Variants in GRB2 observed in about 807,000 individuals in gnomAD.
GRB2 encodes the protein growth factor receptor bound protein 2.
GRB2 carries 2 observed loss-of-function variants against 27.4 expected under a neutral mutation model. That is an observed-to-expected ratio of 0.07 (90% CI 0.03 to 0.23). The LOEUF is 0.23. Ranked by LOEUF, GRB2 falls within the 10% of genes least tolerant of loss-of-function variation. The pLI is 1.00. For synonymous variants in GRB2, 94 were observed against 99.6 expected (o/e 0.94, Z 0.33); for missense variants, 102 against 282.4 (o/e 0.36, Z 4.58).
chr17:75,341,461 A>G (rs1188508854), intron 2 of GRB2, among the ~76,000 whole-genome samples: 1 of 151,200 alleles, frequency 6.6e-6, no homozygotes, highest in African/African-American at 2.4e-5. Flanking sequence ...AAAAAAAAAA[A>G]AAAAAAAACA....
At chr17:75,322,469 A>G (rs936034538) in intron 4 of GRB2, among the ~76,000 whole-genome samples, 9 of 152,128 alleles carry the variant, frequency 5.9e-5, no homozygotes, top group Admixed American at 5.9e-4. Flanking sequence ...TCCTTTGAAT[A>G]AAAAAATAAT....
At chr17:75,375,043 G>A (rs1052224716) in intron 2 of GRB2, among the ~76,000 whole-genome samples, 2 of 151,904 alleles carry the variant, frequency 1.3e-5, no homozygotes, top group African/African-American at 4.8e-5. Context: ...CTGCAGATGT[G>A]TGCCACCACG....
rs114494825 is a variant in GRB2 at position 75,396,733 on chromosome 17, A to G, written c.-137-2968T>C. Among the ~76,000 whole-genome samples, 532 of 152,258 alleles carry G rather than the reference A, an allele frequency of 3.5e-3. 1 individual carries two copies. Among genetic ancestry groups the G allele is most frequent in the African/African-American group, 0.012 (494 of 41,532 alleles). ...TGAATGCTCCAAAATCTCTCCTACT[A>G]TCAAGATTTTCCTCAGCCTATTTAT... On this transcript the variant is annotated intron_variant, in intron 1 of 5. Transcript: ENST00000316804.
intron 2 of GRB2, among the ~76,000 whole-genome samples, chr17:75,364,149 T>C (rs2078804473): frequency 6.6e-6 from 1 of 152,140 alleles, no homozygotes; most frequent in Non-Finnish European, 1.5e-5. Context: ...ATCTCCCATA[T>C]TACCTTGCCC....
intron 2 of GRB2, among the ~76,000 whole-genome samples, chr17:75,370,389 T>A (rs556839779): frequency 6.6e-6 from 1 of 152,330 alleles, no homozygotes; most frequent in African/African-American, 2.4e-5. Context: ...AAGAGAGAAT[T>A]TGTACCACTT....
At chr17:75,389,706 C>A (rs1179289830) in intron 2 of GRB2, among the ~76,000 whole-genome samples, 1 of 152,010 alleles carries the variant, frequency 6.6e-6, no homozygotes, top group East Asian at 1.9e-4. Flanking sequence ...ATTAGCCGGG[C>A]GTGCTGGTGG....
intron 2 of GRB2, among the ~76,000 whole-genome samples, chr17:75,374,218 C>G (rs192592019): frequency 7.3e-5 from 11 of 151,034 alleles, no homozygotes; most frequent in Non-Finnish European, 1.5e-5. Flanking sequence ...CCAGCCTGGC[C>G]ATTATGGTTA....
chr17:75,352,802 T>C (rs1466059503), intron 2 of GRB2, among the ~76,000 whole-genome samples: 2 of 152,086 alleles, frequency 1.3e-5, no homozygotes, highest in East Asian at 1.9e-4. Flanking sequence ...AGCACCAAAA[T>C]TTCCAGTTTT....
intron 2 of GRB2, among the ~76,000 whole-genome samples, chr17:75,374,107 T>G (rs1379203767): frequency 1.3e-5 from 2 of 151,750 alleles, no homozygotes; most frequent in Non-Finnish European, 2.9e-5. Context: ...GTACTGATAT[T>G]CTTAAGAATT....
chr17:75,348,619 G>A (rs1375490744), intron 2 of GRB2, among the ~76,000 whole-genome samples: 6 of 152,162 alleles, frequency 3.9e-5, no homozygotes, highest in African/African-American at 1.4e-4. Flanking sequence ...AAAAAAGTGA[G>A]ATAAGGGAAA....
intron 2 of GRB2, among the ~76,000 whole-genome samples, chr17:75,385,137 AG>A (rs2078956104): frequency 6.6e-6 from 1 of 150,978 alleles, no homozygotes; most frequent in South Asian, 2.1e-4. Context: ...CCTATTCAGG[AG>A]GCTGAAGTAG....
chr17:75,345,370 G>C (rs1437673305), intron 2 of GRB2, among the ~76,000 whole-genome samples: 1 of 152,082 alleles, frequency 6.6e-6, no homozygotes, highest in African/African-American at 2.4e-5. Flanking sequence ...TTAATTCCAC[G>C]TAAGACTATG....
intron 3 of GRB2, among the ~76,000 whole-genome samples, chr17:75,330,285 G>A (rs1001984386): frequency 1.3e-5 from 2 of 152,024 alleles, no homozygotes; most frequent in African/African-American, 4.8e-5. Flanking sequence ...AGGAGGTGGA[G>A]GCAGGAGAAT....
In GRB2 at chr17:75,388,908, T is replaced by C. The variant is rs114211912; in HGVS notation, c.78+4643A>G. On this transcript the variant is annotated intron_variant, in intron 2 of 5. Coordinates refer to ENST00000316804, the MANE Select transcript of GRB2 (RefSeq NM_002086.5). Reference sequence around the variant, plus strand: ...GGGCATTCCTTTCTTAGGAGACTTATTAAAATGCCCCTATCTGACAGGCAG... The same window carrying C: ...GGGCATTCCTTTCTTAGGAGACTTACTAAAATGCCCCTATCTGACAGGCAG... 9.4e-3 allele frequency among the ~76,000 whole-genome samples: 1,434 copies of C among 152,284 alleles called. 26 individuals are homozygous for C. Among genetic ancestry groups the C allele is most frequent in the South Asian group, 0.048 (234 of 4,828 alleles).
At chr17:75,351,124 G>A (rs1425349364) in intron 2 of GRB2, among the ~76,000 whole-genome samples, 2 of 152,120 alleles carry the variant, frequency 1.3e-5, no homozygotes, top group Non-Finnish European at 2.9e-5. Flanking sequence ...GGAGCCAGGA[G>A]GGAGCAGACA....
intron 2 of GRB2, among the ~76,000 whole-genome samples, chr17:75,354,628 T>C (rs759944742): frequency 6.6e-6 from 1 of 152,150 alleles, no homozygotes; most frequent in Non-Finnish European, 1.5e-5. Flanking sequence ...TTGTCTTCCA[T>C]GAAACCAGTC....
intron 1 of GRB2, among the ~76,000 whole-genome samples, chr17:75,400,886 T>G (rs1012342745): frequency 6.6e-6 from 1 of 152,080 alleles, no homozygotes; most frequent in Non-Finnish European, 1.5e-5. Context: ...ATGTGCAACA[T>G]ACACATATAC....
intron 2 of GRB2, among the ~76,000 whole-genome samples, chr17:75,334,996 G>A (rs1375246972): frequency 1.3e-5 from 2 of 151,846 alleles, no homozygotes; most frequent in African/African-American, 2.4e-5. Context: ...GGGACTATAG[G>A]CACTTGCCAT....
At chr17:75,330,234 T>C (rs1040300409) in intron 3 of GRB2, among the ~76,000 whole-genome samples, 10 of 151,246 alleles carry the variant, frequency 6.6e-5, no homozygotes, top group Non-Finnish European at 1.3e-4. Context: ...ATACAAAAAT[T>C]AGCCAGGCAT....
Sources: gnomAD v4.1 joint callset for allele counts (sites outside exome capture counted in the v4.1 genomes callset) on GRCh38, gnomAD v4.1.1 for gene constraint, MANE v1.5 for transcripts, NCBI Gene and HGNC (gene_info 2026-07-23, HGNC 2026-07-21) for gene names.